Variants in CFAP54 observed in about 807,000 individuals in gnomAD.
The protein encoded by CFAP54 is cilia and flagella associated protein 54.
A neutral mutation model predicts 370.4 loss-of-function variants in CFAP54; 290 were observed. That is an observed-to-expected ratio of 0.78 (90% CI 0.71 to 0.86). The LOEUF is 0.86. Ranked by LOEUF, CFAP54 falls within the 40% of genes least tolerant of loss-of-function variation. CFAP54 has a pLI of 0.00. For missense variants in CFAP54, 3,399 were observed against 3,528.7 expected, an observed-to-expected ratio of 0.96 and a Z score of 0.93; for synonymous variants, 1,206 against 1,236.5, an observed-to-expected ratio of 0.98 and a Z score of 0.52.
chr12:96,660,380 C>A (rs1264726945), intron 38 of CFAP54, among the ~76,000 whole-genome samples: 2 of 152,308 alleles, frequency 1.3e-5, no homozygotes, highest in South Asian at 4.1e-4. Flanking sequence ...GACCCCTTTT[C>A]TTCTCCATCC....
intron 66 of CFAP54, among the ~76,000 whole-genome samples, chr12:96,841,793 A>G (rs886714954): frequency 1.3e-5 from 2 of 152,256 alleles, no homozygotes; most frequent in Non-Finnish European, 2.9e-5. Flanking sequence ...CTCTGAAGCA[A>G]TGTATCTTGG....
At chr12:96,680,822 G>A (rs1267172248) in intron 40 of CFAP54, among the ~76,000 whole-genome samples, 1 of 152,064 alleles carries the variant, frequency 6.6e-6, no homozygotes, top group Non-Finnish European at 1.5e-5. Flanking sequence ...CGTGGCTCAC[G>A]CCTGTAATCC....
intron 43 of CFAP54, among the ~76,000 whole-genome samples, chr12:96,689,423 A>G (rs1436287575): frequency 6.6e-6 from 1 of 152,136 alleles, no homozygotes; most frequent in Non-Finnish European, 1.5e-5. Flanking sequence ...GGCCTCCCAA[A>G]GTGCTGGGAT....
chr12:96,554,179 T>C lies in CFAP54; in HGVS notation c.2155-3T>C. 2 of 1,474,446 alleles carry C rather than the reference T, an allele frequency of 1.4e-6. No individual in the cohort carries two copies. Among genetic ancestry groups the C allele is most frequent in the South Asian group, 2.7e-5 (2 of 74,532 alleles). 91.3% of individuals were successfully genotyped at this position (1,474,446 alleles called of 1,614,324 possible). The stretch of plus-strand genomic sequence containing the variant: ...TTCTTTTTTGTTTATAAAATTATTT[T>C]AGAAAAATCCTGTGGAACAGTTACT... On this transcript the variant is annotated splice_polypyrimidine_tract_variant and splice_region_variant and intron_variant, in intron 15 of 67. Transcript: ENST00000524981.
chr12:96,694,799 G>A (rs1203034051), intron 45 of CFAP54, among the ~76,000 whole-genome samples: 4 of 151,818 alleles, frequency 2.6e-5, no homozygotes, highest in African/African-American at 9.7e-5. Flanking sequence ...CGGGGTGGGC[G>A]GATCACCAGG....
intron 63 of CFAP54, among the ~76,000 whole-genome samples, chr12:96,800,985 G>T (rs1202696099): frequency 6.6e-6 from 1 of 152,166 alleles, no homozygotes; most frequent in African/African-American, 2.4e-5. Context: ...CTAGCTTCTT[G>T]AAAGGATGGT....
chr12:96,528,971 C>A (rs1464317139), intron 9 of CFAP54, among the ~76,000 whole-genome samples: 2 of 152,094 alleles, frequency 1.3e-5, no homozygotes, highest in Non-Finnish European at 2.9e-5. Context: ...TATATCATAT[C>A]TTTATTACTA....
At chr12:96,561,704 TACACACACACACACACACACACAC>T (rs56098924) in intron 17 of CFAP54, among the ~76,000 whole-genome samples, 1 of 125,338 alleles carries the variant, frequency 8.0e-6, no homozygotes, top group Non-Finnish European at 1.6e-5. Flanking sequence ...AGCTAAGAAA[TACACACACACACACACACACACAC>T]ACACACACAC....
chr12:96,819,028 G>A (rs1372633533), intron 65 of CFAP54, among the ~76,000 whole-genome samples: 1 of 152,168 alleles, frequency 6.6e-6, no homozygotes, highest in African/African-American at 2.4e-5. Flanking sequence ...GATGTACATG[G>A]CTTAAAACGA....
At chr12:96,840,740 TTGTA>T (rs1194892053) in intron 66 of CFAP54, among the ~76,000 whole-genome samples, 1 of 152,078 alleles carries the variant, frequency 6.6e-6, no homozygotes, top group Non-Finnish European at 1.5e-5. Context: ...AGAGTATCCT[TTGTA>T]TGTAAGTTCA....
intron 60 of CFAP54, among the ~76,000 whole-genome samples, chr12:96,773,354 G>C (rs1958482534): frequency 6.6e-6 from 1 of 152,210 alleles, no homozygotes; most frequent in African/African-American, 2.4e-5. Context: ...GAGATGCCTT[G>C]AATCACCTGT....
At chr12:96,636,839 A>G (rs1956668737) in intron 32 of CFAP54, among the ~76,000 whole-genome samples, 1 of 152,204 alleles carries the variant, frequency 6.6e-6, no homozygotes, top group Admixed American at 6.5e-5. Context: ...CTGTAATCCC[A>G]GCTACTCAGG....
At chr12:96,561,100 C>T (rs966373171) in intron 17 of CFAP54, among the ~76,000 whole-genome samples, 3 of 152,152 alleles carry the variant, frequency 2.0e-5, no homozygotes, top group Non-Finnish European at 4.4e-5. Flanking sequence ...GCCCTTCACA[C>T]TGGATCCTGT....
chr12:96,731,476 A>G (rs1957918109), intron 50 of CFAP54, among the ~76,000 whole-genome samples: 1 of 152,196 alleles, frequency 6.6e-6, no homozygotes, highest in Non-Finnish European at 1.5e-5. Context: ...AGACTTGAGT[A>G]TTTGGCAAAT....
At chr12:96,804,823 C>T (rs915085445) in intron 63 of CFAP54, among the ~76,000 whole-genome samples, 3 of 152,134 alleles carry the variant, frequency 2.0e-5, no homozygotes, top group Admixed American at 2.0e-4. Context: ...GGAGGCATCA[C>T]ATTACCTCAC....
intron 48 of CFAP54, among the ~76,000 whole-genome samples, chr12:96,717,425 G>A (rs976284671): frequency 2.0e-5 from 3 of 152,108 alleles, no homozygotes; most frequent in Admixed American, 6.6e-5. Context: ...GAGGAAGTTC[G>A]GTGTATTAAG....
In CFAP54 at chr12:96,630,585, A is replaced by G; in HGVS notation, c.4250A>G (p.Lys1417Arg). Residue 1417 changes from lysine (K) to arginine (R), a missense_variant, in exon 32 of 68, where the codon AAA becomes AGA. Transcript: ENST00000524981. Reference sequence around the variant, plus strand: ...ATGCAACAAAGAATAAGAAGTAAAAAAAAGGAAACTCTAAGAGATTTCATT... The same window carrying G: ...ATGCAACAAAGAATAAGAAGTAAAAGAAAGGAAACTCTAAGAGATTTCATT... ...AEMQQRIRSK[K>R]KETLRDFIFK... 6.7e-7 allele frequency: 1 copy of G among 1,501,950 alleles called. No homozygotes were observed. The highest frequency in any genetic ancestry group is 8.8e-7 in the Non-Finnish European group (1 of 1,131,288). The allele number at this position is 1,501,950 out of a possible 1,614,324, so 93.0% of individuals were successfully genotyped here.
intron 30 of CFAP54, among the ~76,000 whole-genome samples, chr12:96,629,882 T>C (rs1422916024): frequency 6.6e-6 from 1 of 152,224 alleles, no homozygotes; most frequent in Non-Finnish European, 1.5e-5. Flanking sequence ...TCATTGATAC[T>C]CACATTTTAT....
chr12:96,837,228 C>A (rs553899090), intron 66 of CFAP54, among the ~76,000 whole-genome samples: 1 of 152,272 alleles, frequency 6.6e-6, no homozygotes, highest in East Asian at 1.9e-4. Context: ...TAGGCATTTG[C>A]ACCTTTAATT....
Sources: allele counts gnomAD v4.1 joint callset (sites outside exome capture counted in the v4.1 genomes callset), GRCh38; gene constraint gnomAD v4.1.1; transcripts MANE v1.5; gene names NCBI Gene and HGNC (gene_info 2026-07-23, HGNC 2026-07-21).